Variants in SKOR1 observed in about 807,000 individuals in gnomAD.
SKOR1 encodes SKI family transcriptional corepressor 1, also known as LBX1 corepressor 1.
SKOR1 carries 38 observed loss-of-function variants against 72.4 expected under a neutral mutation model. That is an observed-to-expected ratio of 0.52 (90% confidence interval 0.40 to 0.69). SKOR1 has a LOEUF of 0.69. SKOR1 is among the 30% of genes least tolerant of loss of function. The probability of loss-of-function intolerance (pLI) is 0.00; values close to 1 mark genes in which losing one functional copy is unlikely to be tolerated. For synonymous variants in SKOR1, 642 were observed against 599.4 expected, an observed-to-expected ratio of 1.07 and a Z score of -1.04; for missense variants, 1,320 against 1,343.2, an observed-to-expected ratio of 0.98 and a Z score of 0.27.
Position 67,826,458 on chromosome 15 carries a change from C to T in SKOR1, c.630C>T (p.Cys210=). The T allele has an allele frequency of 1.9e-6, 3 of 1,614,094 alleles. No homozygotes were observed. Among genetic ancestry groups the T allele is most frequent in the South Asian group, 1.1e-5 (1 of 91,090 alleles). The stretch of plus-strand genomic sequence containing the variant: ...GCTCTCGTGCCAAGTGCATCAAGTG[C>T]GGCTACTGCAGCATGTACTTCTCGC... ...YNSSRAKCIK[C]GYCSMYFSPN... The change falls in exon 2 of 9, where the codon TGC becomes TGT. Residue 210 remains cysteine, a synonymous_variant. Coordinates refer to ENST00000380035, the MANE Select transcript of SKOR1 (RefSeq NM_001365915.1).
chr15:67,826,757 C>T lies in SKOR1; in HGVS notation c.929C>T (p.Pro310Leu). 6.5e-7 allele frequency: 1 copy of T among 1,535,730 alleles called. No homozygotes were observed. Among genetic ancestry groups the T allele is most frequent in the South Asian group, 1.2e-5 (1 of 84,106 alleles). ...GCTGGCGGCGGTGGCGGCGGTGGCC[C>T]AGGGTGCGGTGCAGAGATGGCCCCA... is the stretch of plus-strand genomic sequence containing the variant. ...GGAGGGGGGG[P>L]GCGAEMAPGP... Residue 310 changes from proline (P) to leucine (L), a missense_variant, in exon 2 of 9, where the codon CCA becomes CTA. By Grantham distance (98) the Pro-to-Leu change is moderately conservative. This residue lies in a region of SKOR1 where 1,099 missense variants were observed against 1,025.5 expected (regional missense o/e 1.07). Coordinates refer to ENST00000380035, the MANE Select transcript of SKOR1 (RefSeq NM_001365915.1).
rs373981657 is a variant in SKOR1 at position 67,826,179 on chromosome 15, C to T, written c.351C>T (p.His117=). ...AGAACTACAGCTATAATGAGATCCA[C>T]AACCGCCGCGTGGCCCTGGGCATCA... ...LLKNYSYNEI[H]NRRVALGITC... is the part of the protein sequence containing the mutation. The change falls in exon 2 of 9, where the codon CAC becomes CAT. Residue 117 remains histidine (H), a synonymous_variant. Transcript: ENST00000380035. The T allele has an allele frequency of 4.3e-6, 7 of 1,613,284 alleles. No homozygotes were observed. The highest frequency in any genetic ancestry group is 5.9e-6 in the Non-Finnish European group (7 of 1,179,716).
chr15:67,829,154 G>A, intron 2 of SKOR1, 25 bp from the exon 3 acceptor site: 3 of 1,521,746 alleles, frequency 2.0e-6, no homozygotes, highest in African/African-American at 1.4e-5. Context: ...CACCCTAATC[G>A]CCTGTCATTT....
chr15:67,828,949 G>A (rs1453502615), intron 2 of SKOR1, among the ~76,000 whole-genome samples: 1 of 152,226 alleles, frequency 6.6e-6, no homozygotes, highest in Non-Finnish European at 1.5e-5. Context: ...CCCTCGGCTT[G>A]GGAGCCGCTT....
At position 67,833,288 on chromosome 15, in the gene SKOR1, G is replaced by C. The variant is rs1364886697; in HGVS notation, c.2803+31G>C. The C allele has an allele frequency of 8.1e-6, 13 of 1,611,242 alleles. No homozygotes were observed. The East Asian group carries it at 2.9e-4, about 36-fold the overall frequency. ...GAAGCCGGGAAACAAAGATAGGAGG[G>C]GTGCTGGGTGCCGGCCGTGCTGTCG... On this transcript the variant is annotated intron_variant, in intron 8 of 8. Coordinates refer to ENST00000380035, the MANE Select transcript of SKOR1 (RefSeq NM_001365915.1). The surrounding 1 kb of genome is among the most constrained non-coding windows in gnomAD (Gnocchi z 6.0).
rs780582763 is a variant in SKOR1, at chr15:67,832,576, G to GT, written c.2663-30dup. ...GTGGAGCCGGGAGAGGGGGCTGTGC[G>GT]TAACAGCTCTCACTTAATCAATTTG... On this transcript the variant is annotated intron_variant, in intron 6 of 8. Transcript: ENST00000380035. This position sits in a 1 kb window ranked among gnomAD's most constrained non-coding sequence, Gnocchi z 4.5. 6.3e-7 allele frequency: 1 copy of GT among 1,596,734 alleles called. No homozygotes were observed. Among genetic ancestry groups the GT allele is most frequent in the Non-Finnish European group, 8.6e-7 (1 of 1,165,116 alleles).
rs1191719851 is a variant in SKOR1 at position 67,827,465 on chromosome 15, G to A, written c.1637G>A (p.Gly546Asp). 1 of 1,521,630 alleles carries A rather than the reference G, an allele frequency of 6.6e-7. No individual in the cohort carries two copies. The highest frequency in any genetic ancestry group is 8.8e-7 in the Non-Finnish European group (1 of 1,141,698). The allele number at this position is 1,521,630 out of a possible 1,614,324, so 94.3% of individuals were successfully genotyped here. A position where few individuals can be genotyped will look rare whatever the true frequency, so the allele number is the denominator to read the frequency against. ...LDGAEPAKES[G>D]LGAEERCPSA... ...GGTGCCGAGCCAGCCAAAGAGAGTG[G>A]CCTCGGCGCGGAGGAGCGCTGCCCG... The change falls in exon 2 of 9, where the codon GGC (glycine) becomes GAC (aspartate). Residue 546 changes from glycine (G) to aspartate (D), a missense_variant. This residue lies in a region of SKOR1 where 1,099 missense variants were observed against 1,025.5 expected (regional missense o/e 1.07). Transcript: ENST00000380035.
rs1020439156 is a variant in SKOR1 at position 67,833,289 on chromosome 15, G to T, written c.2803+32G>T. 6.2e-7 allele frequency: 1 copy of T among 1,611,470 alleles called. No homozygotes were observed. Among genetic ancestry groups the T allele is most frequent in the Non-Finnish European group, 8.5e-7 (1 of 1,177,812 alleles). On this transcript the variant is annotated intron_variant, in intron 8 of 8. Coordinates refer to ENST00000380035, the MANE Select transcript of SKOR1 (RefSeq NM_001365915.1). This position sits in a 1 kb window ranked among gnomAD's most constrained non-coding sequence, Gnocchi z 6.0. ...AAGCCGGGAAACAAAGATAGGAGGG[G>T]TGCTGGGTGCCGGCCGTGCTGTCGA...
Position 67,827,931 on chromosome 15 carries a change from C to A in SKOR1, c.2103C>A (p.Thr701=), listed in dbSNP as rs1478830803. The A allele has an allele frequency of 6.3e-7, 1 of 1,583,340 alleles. No homozygotes were observed. Among genetic ancestry groups the A allele is most frequent in the Non-Finnish European group, 8.6e-7 (1 of 1,166,084 alleles). Residue 701 remains threonine (T), a synonymous_variant, in exon 2 of 9, where the codon ACC becomes ACA. Transcript: ENST00000380035. ...GEQPTGPPSA[T]SSGADGPANS... The stretch of plus-strand genomic sequence containing the variant: ...AGCCCACTGGACCCCCTTCCGCCAC[C>A]TCCTCTGGCGCGGACGGTCCCGCAA...
In SKOR1 at chr15:67,825,925, C is replaced by G. The variant is rs565935324; in HGVS notation, c.108-11C>G. 1.9e-5 allele frequency: 28 copies of G among 1,512,942 alleles called. No homozygotes were observed. The highest frequency in any genetic ancestry group is 2.8e-5 in the African/African-American group (2 of 71,676). 93.7% of individuals were successfully genotyped at this position (1,512,942 alleles called of 1,614,324 possible). On this transcript the variant is annotated splice_polypyrimidine_tract_variant and intron_variant, in intron 1 of 8. Coordinates refer to ENST00000380035, the MANE Select transcript of SKOR1 (RefSeq NM_001365915.1). The surrounding 1 kb of genome is among the most constrained non-coding windows in gnomAD (Gnocchi z 5.6). ...ATGGCTCATCTGCTCTCTGCTTTCTCTATTTCGCAGGAGCGGCGGCATGGA... is the reference window on the plus strand; with the variant it reads ...ATGGCTCATCTGCTCTCTGCTTTCTGTATTTCGCAGGAGCGGCGGCATGGA...
Position 67,831,027 on chromosome 15 carries a change from T to C in SKOR1, c.2587+138T>C. 3 of 828,350 alleles carry C rather than the reference T, an allele frequency of 3.6e-6. No homozygotes were observed. In the Admixed American group the frequency reaches 6.2e-5, roughly 17 times the overall value. The allele number at this position is 828,350 out of a possible 1,614,324, so 51.3% of individuals were successfully genotyped here. ...CCTTGGGGGCATGAGTTTTCCTTTC[T>C]TTGGGTGGAAAGTAAGATCCTCTGG... On this transcript the variant is annotated intron_variant, in intron 5 of 8. Transcript: ENST00000380035.
rs776073334 is a variant in SKOR1 at position 67,826,218 on chromosome 15, C to T, written c.390C>T (p.Cys130=). Residue 130 remains cysteine (C), a synonymous_variant, in exon 2 of 9, where the codon TGC becomes TGT. Transcript: ENST00000380035. ...RVALGITCVQ[C]TPVQLEILRR... is the part of the protein sequence containing the mutation. The stretch of plus-strand genomic sequence containing the variant: ...CCCTGGGCATCACGTGCGTGCAGTG[C>T]ACGCCGGTACAGCTGGAGATTCTGC... The T allele has an allele frequency of 1.1e-5, 18 of 1,613,128 alleles. No homozygotes were observed. The highest frequency in any genetic ancestry group is 2.2e-5 in the East Asian group (1 of 44,890).
intron 2 of SKOR1, among the ~76,000 whole-genome samples, chr15:67,828,826 A>G (rs952592811): frequency 2.0e-5 from 3 of 152,196 alleles, no homozygotes; most frequent in Admixed American, 1.3e-4. Flanking sequence ...TCATTAAAAC[A>G]CGAATCATTA....
chr15:67,828,454 G>T (rs2090983215), intron 2 of SKOR1, among the ~76,000 whole-genome samples: 2 of 152,244 alleles, frequency 1.3e-5, no homozygotes, highest in Admixed American at 6.5e-5. Flanking sequence ...CAGAAAAGGG[G>T]TGTGGAGAAA....
intron 5 of SKOR1, among the ~76,000 whole-genome samples, chr15:67,831,398 G>A (rs117100076): frequency 1.3e-5 from 2 of 152,258 alleles, no homozygotes; most frequent in Non-Finnish European, 2.9e-5. Context: ...TTTGCAGAAT[G>A]GGGATCCCTG....
At position 67,832,989 on chromosome 15, in the gene SKOR1, A is replaced by G. The variant is rs2091020148; in HGVS notation, c.2738-203A>G. 1.6e-6 allele frequency: 1 copy of G among 614,942 alleles called. No homozygotes were observed. Among genetic ancestry groups the G allele is most frequent in the African/African-American group, 1.8e-5 (1 of 54,056 alleles). The allele number at this position is 614,942 out of a possible 1,614,324, so 38.1% of individuals were successfully genotyped here. A position where few individuals can be genotyped will look rare whatever the true frequency, so the allele number is the denominator to read the frequency against. ...CTAAGTTTGCTTTAATTTTGGTTAG[A>G]TCCATCTGCCTTTAAGCGCCATCCC... On this transcript the variant is annotated intron_variant, in intron 7 of 8. Coordinates refer to ENST00000380035, the MANE Select transcript of SKOR1 (RefSeq NM_001365915.1). This position sits in a 1 kb window ranked among gnomAD's most constrained non-coding sequence, Gnocchi z 4.5.
rs2091030366 is a variant in SKOR1, at chr15:67,834,139, G to T, written c.*303G>T. 2.1e-6 allele frequency: 1 copy of T among 466,868 alleles called. No individual in the cohort carries two copies. The highest frequency in any genetic ancestry group is 4.0e-6 in the Non-Finnish European group (1 of 251,462). The allele number at this position is 466,868 out of a possible 1,614,324, so 28.9% of individuals were successfully genotyped here. A position where few individuals can be genotyped will look rare whatever the true frequency, so the allele number is the denominator to read the frequency against. ...TAACTGGACAGACGGGGGGCGGGAG[G>T]GGAGAGCGCCCCCTCCCATTGTATA... On this transcript the variant is annotated 3_prime_UTR_variant, in exon 9 of 9. Coordinates refer to ENST00000380035, the MANE Select transcript of SKOR1 (RefSeq NM_001365915.1). This position sits in a 1 kb window ranked among gnomAD's most constrained non-coding sequence, Gnocchi z 5.8.
At chr15:67,828,191 G>T (rs912570520) in intron 2 of SKOR1, 47 bp downstream of exon 2, 2 of 1,388,498 alleles carry the variant, frequency 1.4e-6, no homozygotes, top group East Asian at 2.9e-5. Flanking sequence ...CACCTACCCT[G>T]TGCGCGGCAG....
Position 67,832,717 on chromosome 15 carries a change from G to A in SKOR1, c.2737+36G>A, listed in dbSNP as rs1566977469. On this transcript the variant is annotated intron_variant, in intron 7 of 8. Coordinates refer to ENST00000380035, the MANE Select transcript of SKOR1 (RefSeq NM_001365915.1). The surrounding 1 kb of genome is among the most constrained non-coding windows in gnomAD (Gnocchi z 4.5). ...AGTCAGGTGAGCTCGTGCACGGGCC[G>A]TAACTGCCTCTCGTCTGGCAGGAGC... 1.2e-5 allele frequency: 19 copies of A among 1,562,786 alleles called. No homozygotes were observed. Among genetic ancestry groups the A allele is most frequent in the East Asian group, 9.0e-5 (4 of 44,594 alleles).
Sources: gnomAD v4.1 joint callset for allele counts (sites outside exome capture counted in the v4.1 genomes callset) on GRCh38, gnomAD v4.1.1 for gene constraint, gnomAD v4.1.1 regional missense constraint, Gnocchi (gnomAD v3.1) non-coding constraint, MANE v1.5 for transcripts, NCBI Gene and HGNC (gene_info 2026-07-23, HGNC 2026-07-21) for gene names.